The following MTHFD2L variants were observed in gnomAD, a reference collection of about 807,000 sequenced individuals.
MTHFD2L encodes methylenetetrahydrofolate dehydrogenase (NADP+ dependent) 2 like.
Under a neutral mutation model 34.9 loss-of-function variants are expected in MTHFD2L, and 29 were observed. That is an observed-to-expected ratio of 0.83 (90% CI 0.62 to 1.13). The LOEUF is 1.13. MTHFD2L is among the 50% of genes most tolerant of loss of function. The pLI, the probability that MTHFD2L is intolerant of heterozygous loss-of-function variation, is 0.00. For synonymous variants in MTHFD2L, 167 were observed against 155.7 expected (o/e 1.07, Z -0.54); for missense variants, 481 against 446.5 (o/e 1.08, Z -0.70).
intron 6 of MTHFD2L, chr4:74,241,911 A>G (rs1419261465): frequency 6.5e-6 from 1 of 154,580 alleles, no homozygotes; most frequent in African/African-American, 2.4e-5. Flanking sequence ...GATTCCATTT[A>G]TATAGCATTC....
chr4:74,219,738 A>G (rs1737827182), intron 5 of MTHFD2L, among the ~76,000 whole-genome samples: 1 of 152,124 alleles, frequency 6.6e-6, no homozygotes, highest in Admixed American at 6.6e-5. Flanking sequence ...TCTCTTCAAC[A>G]TCAGGTCTTC....
intron 1 of MTHFD2L, among the ~76,000 whole-genome samples, chr4:74,162,763 A>C (rs1578296956): frequency 6.6e-6 from 1 of 152,170 alleles, no homozygotes; most frequent in South Asian, 2.1e-4. Context: ...TAAAGAAATT[A>C]AACTTGTCAA....
chr4:74,190,169 C>T (rs1229544741), intron 3 of MTHFD2L, among the ~76,000 whole-genome samples: 1 of 151,982 alleles, frequency 6.6e-6, no homozygotes, highest in Non-Finnish European at 1.5e-5. Flanking sequence ...GGCCTGTTCA[C>T]TAATCTAAGT....
At chr4:74,241,376 C>T (rs1741684326) in intron 6 of MTHFD2L, among the ~76,000 whole-genome samples, 1 of 151,898 alleles carries the variant, frequency 6.6e-6, no homozygotes, top group Non-Finnish European at 1.5e-5. Context: ...CCATTTTTCC[C>T]CAATATCATT....
At chr4:74,138,482 G>C (rs1187681585) in intron 1 of MTHFD2L, among the ~76,000 whole-genome samples, 1 of 152,168 alleles carries the variant, frequency 6.6e-6, no homozygotes, top group Non-Finnish European at 1.5e-5. Context: ...AGAAGTCATG[G>C]GTCATGGTAG....
At chr4:74,129,026 C>T (rs1722278311) in intron 1 of MTHFD2L, among the ~76,000 whole-genome samples, 3 of 152,100 alleles carry the variant, frequency 2.0e-5, no homozygotes, top group Admixed American at 6.6e-5. Context: ...TGACAGTAAG[C>T]TTTTAATTCA....
chr4:74,207,221 C>T (rs1735496913), intron 5 of MTHFD2L, among the ~76,000 whole-genome samples: 1 of 152,142 alleles, frequency 6.6e-6, no homozygotes, highest in Non-Finnish European at 1.5e-5. Context: ...GAGTAAGTTT[C>T]TCTTGGCATA....
chr4:74,258,017 C>T (rs1335597063), intron 6 of MTHFD2L, among the ~76,000 whole-genome samples: 2 of 151,134 alleles, frequency 1.3e-5, no homozygotes, highest in Non-Finnish European at 2.9e-5. Context: ...AAATGCAGAT[C>T]AAAACTGTAA....
At chr4:74,290,817 C>T (rs2110306042) in intron 7 of MTHFD2L, among the ~76,000 whole-genome samples, 1 of 151,928 alleles carries the variant, frequency 6.6e-6, no homozygotes, top group South Asian at 2.1e-4. Flanking sequence ...GCCCAACTCT[C>T]ATATGAATCA....
chr4:74,158,197 C>T lies in MTHFD2L; in HGVS notation c.59C>T (p.Ala20Val), dbSNP rs1346652552. The T allele has an allele frequency of 2.5e-5, 38 of 1,525,372 alleles. No homozygotes were observed. The Admixed American group carries it at 5.2e-4, about 21-fold the overall frequency. 94.5% of individuals were successfully genotyped at this position (1,525,372 alleles called of 1,614,324 possible). A position where few individuals can be genotyped will look rare whatever the true frequency, so the allele number is the denominator to read the frequency against. Reference protein sequence around the residue: ...LLRGRLGRAPALGRSTAPSVR... With the variant: ...LLRGRLGRAPVLGRSTAPSVR... ...CGCGGCCGCCTTGGCCGAGCGCCGG[C>T]GTTGGGCAGAAGCACAGCACCCTCC... Residue 20 changes from alanine (A) to valine (V), a missense_variant, in exon 1 of 8, where the codon GCG (alanine) becomes GTG (valine). Ala to Val is a moderately conservative substitution (Grantham distance 64). Coordinates refer to ENST00000325278, the MANE Select transcript of MTHFD2L (RefSeq NM_001144978.3).
chr4:74,259,440 C>G (rs1744418692), intron 6 of MTHFD2L, among the ~76,000 whole-genome samples: 1 of 152,172 alleles, frequency 6.6e-6, no homozygotes, highest in Admixed American at 6.5e-5. Context: ...CACTCCTCCC[C>G]ACCACCAGCA....
At chr4:74,119,881 T>C (rs1374569754), upstream of MTHFD2L, among the ~76,000 whole-genome samples, 1 of 152,188 alleles carries the variant, frequency 6.6e-6, no homozygotes, top group African/African-American at 2.4e-5. Flanking sequence ...TTTTATAATA[T>C]GTGGTGGTTG....
intron 6 of MTHFD2L, among the ~76,000 whole-genome samples, chr4:74,252,941 A>G (rs969099433): frequency 1.1e-4 from 17 of 152,194 alleles, no homozygotes; most frequent in African/African-American, 4.1e-4. Context: ...ATTTCAGAAC[A>G]TTAACAATCC....
chr4:74,237,526 G>A (rs145567629), intron 6 of MTHFD2L, among the ~76,000 whole-genome samples: 174 of 152,276 alleles, frequency 1.1e-3, no homozygotes, highest in African/African-American at 4.0e-3. Flanking sequence ...GTGCACACCT[G>A]TAATCTCAGC....
chr4:74,283,386 C>T (rs995312390), intron 7 of MTHFD2L, among the ~76,000 whole-genome samples: 2 of 152,048 alleles, frequency 1.3e-5, no homozygotes, highest in African/African-American at 4.8e-5. Flanking sequence ...CTTCATGTCA[C>T]ATGAAGTCTA....
intron 6 of MTHFD2L, among the ~76,000 whole-genome samples, chr4:74,271,980 TCTGAAG>T (rs1560548918): frequency 6.6e-6 from 1 of 152,128 alleles, no homozygotes; most frequent in East Asian, 1.9e-4. Context: ...CAGAAGTCAA[TCTGAAG>T]CTGGATAGAT....
At chr4:74,198,840 C>T (rs1267603705) in intron 3 of MTHFD2L, among the ~76,000 whole-genome samples, 4 of 149,176 alleles carry the variant, frequency 2.7e-5, no homozygotes, top group African/African-American at 7.4e-5. Context: ...TTATATATTT[C>T]AAGGACTTTT....
At chr4:74,157,883 A>C (rs1238216299), upstream of MTHFD2L, 3 of 657,894 alleles carry the variant, frequency 4.6e-6, no homozygotes, top group South Asian at 4.5e-5. Flanking sequence ...GCCAGGCCAC[A>C]CTGCACGCTT....
At chr4:74,198,060 C>A (rs926938340) in intron 3 of MTHFD2L, among the ~76,000 whole-genome samples, 6 of 152,112 alleles carry the variant, frequency 3.9e-5, no homozygotes, top group Non-Finnish European at 5.9e-5. Flanking sequence ...TATGTCCATT[C>A]ATCTGTCTTT....
Sources: allele counts gnomAD v4.1 joint callset (sites outside exome capture counted in the v4.1 genomes callset), GRCh38; gene constraint gnomAD v4.1.1; transcripts MANE v1.5; gene names NCBI Gene and HGNC (gene_info 2026-07-23, HGNC 2026-07-21).